CDH1: variants seen among roughly 807,000 people sequenced by gnomAD.
CDH1 encodes cadherin 1, also known as cadherin-1.
In CDH1, 35 loss-of-function variants were observed where a neutral mutation model predicts 84.5. That is an observed-to-expected ratio of 0.41 (90% CI 0.32 to 0.55). CDH1 has a LOEUF of 0.55. Ranked by LOEUF, CDH1 falls within the 20% of genes least tolerant of loss-of-function variation. CDH1 has a pLI of 0.19. For missense variants in CDH1, 994 were observed against 1,126.6 expected (o/e 0.88, Z 1.68); for synonymous variants, 417 against 439.0 (o/e 0.95, Z 0.63).
rs1442574934 is a variant in CDH1, at chr16:68,835,017, C to T, written c.*1518C>T. On this transcript the variant is annotated 3_prime_UTR_variant, in exon 16 of 16. Coordinates refer to ENST00000261769, the MANE Select transcript of CDH1 (RefSeq NM_004360.5). ...AAGATCCGTGGTTTGTACTCAAAGCCCAGAATCCCCAAGTGCCTGCTTTTG... is the reference window on the plus strand; with the variant it reads ...AAGATCCGTGGTTTGTACTCAAAGCTCAGAATCCCCAAGTGCCTGCTTTTG... The T allele has an allele frequency of 8.6e-6, 2 of 231,854 alleles. No homozygotes were observed. The highest frequency in any genetic ancestry group is 2.2e-5 in the African/African-American group (1 of 45,236). 14.4% of individuals were successfully genotyped at this position (231,854 alleles called of 1,614,324 possible). A position where few individuals can be genotyped will look rare whatever the true frequency, so the allele number is the denominator to read the frequency against.
At position 68,811,843 on chromosome 16, in the gene CDH1, C is replaced by T. The variant is rs1597894293; in HGVS notation, c.992C>T (p.Thr331Ile). Reference sequence around the variant, plus strand: ...ACAGGAGTCATCAGTGTGGTCACCACTGGGCTGGACCGAGAGGTCAGGGGT... The same window carrying T: ...ACAGGAGTCATCAGTGTGGTCACCATTGGGCTGGACCGAGAGGTCAGGGGT... ...RNTGVISVVT[T>I]GLDRESFPTY... Residue 331 changes from threonine (T) to isoleucine (I), a missense_variant, in exon 7 of 16, where the codon ACT (threonine) becomes ATT (isoleucine). Coordinates refer to ENST00000261769, the MANE Select transcript of CDH1 (RefSeq NM_004360.5). The T allele has an allele frequency of 6.2e-7, 1 of 1,614,190 alleles. No homozygotes were observed. Among genetic ancestry groups the T allele is most frequent in the Non-Finnish European group, 8.5e-7 (1 of 1,180,032 alleles).
At chr16:68,828,503 G>A (rs764611225) in intron 14 of CDH1, among the ~76,000 whole-genome samples, 199 bp downstream of exon 14, 56 of 152,084 alleles carry the variant, frequency 3.7e-4, no homozygotes, top group Non-Finnish European at 6.3e-4. Context: ...TTTATTGATC[G>A]CATACTGTTC....
chr16:68,794,996 G>A (rs1014558259), intron 2 of CDH1, among the ~76,000 whole-genome samples: 7 of 151,948 alleles, frequency 4.6e-5, no homozygotes, highest in Admixed American at 1.3e-4. Context: ...CTGGCCAACC[G>A]GGCTAACTTT....
intron 5 of CDH1, among the ~76,000 whole-genome samples, chr16:68,809,837 G>C (rs1960769024): frequency 6.6e-6 from 1 of 152,114 alleles, no homozygotes; most frequent in Admixed American, 6.6e-5. Context: ...GTCATATATT[G>C]ATGCCAAATT....
intron 2 of CDH1, among the ~76,000 whole-genome samples, chr16:68,774,091 T>A (rs1281944208): frequency 6.6e-6 from 1 of 152,080 alleles, no homozygotes; most frequent in Non-Finnish European, 1.5e-5. Flanking sequence ...AATTTTAAAT[T>A]TTTTGTAGAG....
intron 2 of CDH1, among the ~76,000 whole-genome samples, chr16:68,784,530 C>A (rs1959986500): frequency 6.6e-6 from 1 of 152,116 alleles, no homozygotes; most frequent in South Asian, 2.1e-4. Context: ...CTGCATCCTG[C>A]ATGGTGTTGG....
intron 2 of CDH1, among the ~76,000 whole-genome samples, chr16:68,740,001 C>T (rs778393155): frequency 6.6e-6 from 1 of 152,152 alleles, no homozygotes; most frequent in Non-Finnish European, 1.5e-5. Context: ...TAGGCCTTAT[C>T]GTTGTGACAA....
rs35773215 is a variant in CDH1 at position 68,751,402 on chromosome 16, A to G, written c.163+12991A>G. ...CACTGGCTGTGACCATTCCCATAAT[A>G]TCTGCACAGCTCACTCTTTTCTGTC... On this transcript the variant is annotated intron_variant, in intron 2 of 15. Coordinates refer to ENST00000261769, the MANE Select transcript of CDH1 (RefSeq NM_004360.5). Among the ~76,000 whole-genome samples, 1,509 of 152,274 alleles carry G rather than the reference A, an allele frequency of 9.9e-3. 30 individuals are homozygous for G. Among genetic ancestry groups the G allele is most frequent in the African/African-American group, 0.034 (1,422 of 41,558 alleles).
At chr16:68,815,789 C>A (rs1960973373) in intron 10 of CDH1, 30 bp downstream of exon 10, 1 of 1,612,672 alleles carries the variant, frequency 6.2e-7, no homozygotes, top group Non-Finnish European at 8.5e-7. Context: ...AACTGACTTG[C>A]AGCAACTGGT....
At chr16:68,748,111 CT>C (rs35209843) in intron 2 of CDH1, among the ~76,000 whole-genome samples, 50,338 of 112,658 alleles carry the variant, frequency 0.45, 9,588 homozygotes, top group Non-Finnish European at 0.51. Context: ...AAATTATTTA[CT>C]TTTTTTTTTT....
At position 68,759,375 on chromosome 16, in the gene CDH1, G is replaced by A. The variant is rs144932567; in HGVS notation, c.163+20964G>A. Among the ~76,000 whole-genome samples, 44 of 152,082 alleles carry A rather than the reference G, an allele frequency of 2.9e-4. 1 individual carries two copies. The East Asian group carries it at 5.8e-3, about 20-fold the overall frequency. On this transcript the variant is annotated intron_variant, in intron 2 of 15. Coordinates refer to ENST00000261769, the MANE Select transcript of CDH1 (RefSeq NM_004360.5). ...TTGTTATACAATGACCACAATAGTCGTTGCATTCATTTATTGATTGAGTAC... is the reference window on the plus strand; with the variant it reads ...TTGTTATACAATGACCACAATAGTCATTGCATTCATTTATTGATTGAGTAC...
intron 2 of CDH1, among the ~76,000 whole-genome samples, chr16:68,799,942 G>A (rs1463440697): frequency 2.6e-5 from 4 of 151,782 alleles, no homozygotes; most frequent in African/African-American, 7.3e-5. Context: ...CCCAGGAGGC[G>A]GAGGTTTCAG....
At chr16:68,821,891 G>GT (rs1440762515) in intron 11 of CDH1, 110 bp from the exon 12 acceptor site, 3 of 852,770 alleles carry the variant, frequency 3.5e-6, no homozygotes, top group Non-Finnish European at 5.9e-6. Context: ...GTGGGGCCTG[G>GT]TGAGGGACCA....
chr16:68,745,047 C>T lies in CDH1; in HGVS notation c.163+6636C>T, dbSNP rs143298950. Among the ~76,000 whole-genome samples the T allele has an allele frequency of 4.6e-5, 7 of 152,106 alleles. No homozygotes were observed. In the East Asian group the frequency reaches 9.7e-4, roughly 21 times the overall value. ...GCAGGGTGCTCAGGGTGGACCGGAA[C>T]GGGTTTGTTGTGGCTTAGGAAAGGG... On this transcript the variant is annotated intron_variant, in intron 2 of 15. Coordinates refer to ENST00000261769, the MANE Select transcript of CDH1 (RefSeq NM_004360.5).
chr16:68,756,554 A>G (rs1963023955), intron 2 of CDH1, among the ~76,000 whole-genome samples: 1 of 152,166 alleles, frequency 6.6e-6, no homozygotes, highest in Non-Finnish European at 1.5e-5. Flanking sequence ...GCTTCGTGCT[A>G]AAAGGTTTTG....
rs761162838 is a variant in CDH1 at position 68,815,757 on chromosome 16, A to G, written c.1563A>G (p.Ile521Met). 3.1e-6 allele frequency: 5 copies of G among 1,614,274 alleles called. No homozygotes were observed. The highest frequency in any genetic ancestry group is 8.5e-7 in the Non-Finnish European group (1 of 1,180,054). ...CAGACACATTTATGGAACAGAAAATAACGTAAGTGTGAGGATTTTTCAACT... is the reference window on the plus strand; with the variant it reads ...CAGACACATTTATGGAACAGAAAATGACGTAAGTGTGAGGATTTTTCAACT... ...QEPDTFMEQK[I>M]TYRIWRDTAN... The change falls in exon 10 of 16, where the codon ATA becomes ATG. Residue 521 changes from isoleucine (I) to methionine (M), a missense_variant and splice_region_variant. By Grantham distance (10) the Ile-to-Met change is conservative. Around this residue, in one of 3 missense-constraint regions of CDH1, gnomAD observed 769 missense variants for 881.8 expected, o/e 0.87. Transcript: ENST00000261769.
At chr16:68,768,939 C>T (rs1008520541) in intron 2 of CDH1, among the ~76,000 whole-genome samples, 5 of 152,184 alleles carry the variant, frequency 3.3e-5, no homozygotes, top group Admixed American at 1.3e-4. Flanking sequence ...ATCCTCATGC[C>T]ACTCTTGCTT....
In CDH1 at chr16:68,833,563, G is replaced by A. The variant is rs973280992; in HGVS notation, c.*64G>A. On this transcript the variant is annotated 3_prime_UTR_variant, in exon 16 of 16. Transcript: ENST00000261769. ...GAAATGCAGAAATCACGTTGCTGGTGGTTTTTCAGCTCCCTTCCCTTGAGA... is the reference window on the plus strand; with the variant it reads ...GAAATGCAGAAATCACGTTGCTGGTAGTTTTTCAGCTCCCTTCCCTTGAGA... 3.7e-6 allele frequency: 5 copies of A among 1,333,754 alleles called. No homozygotes were observed. In the African/African-American group the frequency reaches 5.8e-5, roughly 15 times the overall value. The allele number at this position is 1,333,754 out of a possible 1,614,324, so 82.6% of individuals were successfully genotyped here. A position where few individuals can be genotyped will look rare whatever the true frequency, so the allele number is the denominator to read the frequency against.
intron 2 of CDH1, among the ~76,000 whole-genome samples, chr16:68,784,894 G>A (rs1456655991): frequency 1.3e-5 from 2 of 151,690 alleles, no homozygotes; most frequent in Non-Finnish European, 2.9e-5. Flanking sequence ...GGCGGGAGCA[G>A]GCCCCTCCTA....
Sources: allele counts gnomAD v4.1 joint callset (sites outside exome capture counted in the v4.1 genomes callset), GRCh38; gene constraint gnomAD v4.1.1; regional missense constraint gnomAD v4.1.1; transcripts MANE v1.5; gene names NCBI Gene and HGNC (gene_info 2026-07-23, HGNC 2026-07-21).